The following ZKSCAN1 variants were observed in gnomAD, a reference collection of about 807,000 sequenced individuals.
The protein encoded by ZKSCAN1 is zinc finger protein with KRAB and SCAN domains 1.
In ZKSCAN1, 14 loss-of-function variants were observed where a neutral mutation model predicts 51.6. The observed-to-expected ratio is 0.27, with a 90% CI of 0.18 to 0.42. ZKSCAN1 has a LOEUF of 0.42. ZKSCAN1 is among the 10% of genes least tolerant of loss of function. The probability of loss-of-function intolerance (pLI) is 1.00; values close to 1 mark genes in which losing one functional copy is unlikely to be tolerated. For synonymous variants in ZKSCAN1, 263 were observed against 261.5 expected (o/e 1.01, Z -0.06); for missense variants, 531 against 710.0 (o/e 0.75, Z 2.86).
Position 100,041,630 on chromosome 7 carries a change from C to T in ZKSCAN1, c.*7433C>T. On this transcript the variant is annotated 3_prime_UTR_variant, in exon 6 of 6. Coordinates refer to ENST00000324306, the MANE Select transcript of ZKSCAN1 (RefSeq NM_003439.4). Reference sequence around the variant, plus strand: ...AAATTGTGGGGATTTGAAATATTCTCTTTATGTTGTTTCTCTTCTGAGTCA... The same window carrying T: ...AAATTGTGGGGATTTGAAATATTCTTTTTATGTTGTTTCTCTTCTGAGTCA... 16 of 985,282 alleles carry T rather than the reference C, an allele frequency of 1.6e-5. No individual in the cohort carries two copies. Among genetic ancestry groups the T allele is most frequent in the Non-Finnish European group, 1.9e-5 (16 of 829,872 alleles). The allele number at this position is 985,282 out of a possible 1,614,324, so 61.0% of individuals were successfully genotyped here.
downstream of ZKSCAN1, among the ~76,000 whole-genome samples, chr7:100,043,772 T>G: frequency 8.4e-5 from 1 of 11,910 alleles, no homozygotes; most frequent in African/African-American, 2.5e-4. Context: ...TCTTTCTTGA[T>G]TTTTTTTTTT....
Position 100,030,318 on chromosome 7 carries a change from C to T in ZKSCAN1, c.742C>T (p.Arg248Trp), listed in dbSNP as rs367856123. 1.1e-5 allele frequency: 17 copies of T among 1,613,934 alleles called. No individual in the cohort carries two copies. The African/African-American group carries it at 1.2e-4, about 11-fold the overall frequency. Residue 248 changes from arginine (R) to tryptophan (W), a missense_variant, in exon 5 of 6, where the codon CGG (arginine) becomes TGG (tryptophan). Transcript: ENST00000324306. ...GGAATGGGGATGTCAGAATCTGGCTCGGAGGAATCTCAGTAGGGACAACAG... is the reference window on the plus strand; with the variant it reads ...GGAATGGGGATGTCAGAATCTGGCTTGGAGGAATCTCAGTAGGGACAACAG... Reference protein sequence around the residue: ...LEEWGCQNLARRNLSRDNRQE... With the variant: ...LEEWGCQNLAWRNLSRDNRQE...
intron 3 of ZKSCAN1, among the ~76,000 whole-genome samples, chr7:100,029,222 C>T (rs1430957519): frequency 1.3e-5 from 2 of 150,964 alleles, no homozygotes; most frequent in Admixed American, 1.3e-4. Flanking sequence ...TCCTTACTTC[C>T]CTGCCTTTCT....
At chr7:100,023,307 G>C in intron 1 of ZKSCAN1, 112 bp from the exon 2 acceptor site, 1 of 555,240 alleles carries the variant, frequency 1.8e-6, no homozygotes, top group East Asian at 3.2e-5. Flanking sequence ...CACCACCCCC[G>C]GCCTCAGGAG....
In ZKSCAN1 at chr7:100,023,513, A is replaced by G. The variant is rs982321377; in HGVS notation, c.7A>G (p.Thr3Ala). 6.2e-7 allele frequency: 1 copy of G among 1,609,184 alleles called. No homozygotes were observed. The highest frequency in any genetic ancestry group is 8.5e-7 in the Non-Finnish European group (1 of 1,178,084). MM[T>A]AESREATGLS... The stretch of plus-strand genomic sequence containing the variant: ...GTCAGTTCCTGGAGCCTGAATGATG[A>G]CTGCTGAATCACGGGAAGCCACGGG... The change falls in exon 2 of 6, where the codon ACT (threonine) becomes GCT (alanine). Residue 3 changes from threonine to alanine, a missense_variant. Transcript: ENST00000324306.
intron 5 of ZKSCAN1, among the ~76,000 whole-genome samples, chr7:100,031,915 A>C (rs182252911): frequency 1.3e-5 from 2 of 152,208 alleles, no homozygotes; most frequent in African/African-American, 4.8e-5. Context: ...CTGTCTCTAC[A>C]AAAAAATTTA....
At chr7:100,017,995 C>T (rs1163764421) in intron 1 of ZKSCAN1, among the ~76,000 whole-genome samples, 2 of 152,188 alleles carry the variant, frequency 1.3e-5, no homozygotes, top group East Asian at 3.8e-4. Flanking sequence ...TACTAAATGC[C>T]AGGCACTATT....
At chr7:100,027,722 TG>T (rs1304099931) in intron 3 of ZKSCAN1, among the ~76,000 whole-genome samples, 1 of 137,408 alleles carries the variant, frequency 7.3e-6, no homozygotes, top group African/African-American at 2.8e-5. Context: ...CACTCCAGCC[TG>T]GGCAACAGAG....
rs923360783 is a variant in ZKSCAN1 at position 100,041,296 on chromosome 7, G to C, written c.*7099G>C. ...ATTTTACTAGGTTCCGAAGAGTCCA[G>C]ATGCTTGGTAGATGTTCAATACGTG... On this transcript the variant is annotated 3_prime_UTR_variant, in exon 6 of 6. Coordinates refer to ENST00000324306, the MANE Select transcript of ZKSCAN1 (RefSeq NM_003439.4). 13 of 984,882 alleles carry C rather than the reference G, an allele frequency of 1.3e-5. No homozygotes were observed. In the East Asian group the frequency reaches 9.1e-4, roughly 69 times the overall value. The allele number at this position is 984,882 out of a possible 1,614,324, so 61.0% of individuals were successfully genotyped here.
At chr7:100,029,182 AAAAAAAAC>A (rs1227946304) in intron 3 of ZKSCAN1, among the ~76,000 whole-genome samples, 1 of 128,768 alleles carries the variant, frequency 7.8e-6, no homozygotes, top group Non-Finnish European at 1.7e-5. Context: ...AAAAAAAAAA[AAAAAAAAC>A]TTACCCAGAG....
rs1399491674 is a variant in ZKSCAN1, at chr7:100,036,786, A to T, written c.*2589A>T. On this transcript the variant is annotated 3_prime_UTR_variant, in exon 6 of 6. Coordinates refer to ENST00000324306, the MANE Select transcript of ZKSCAN1 (RefSeq NM_003439.4). ...ACTCCAGGCAACGACCCAAGCACTTATTTTTTAAGAGGGAAAGGACTTTGG... is the reference window on the plus strand; with the variant it reads ...ACTCCAGGCAACGACCCAAGCACTTTTTTTTTAAGAGGGAAAGGACTTTGG... 1 of 982,636 alleles carries T rather than the reference A, an allele frequency of 1.0e-6. No homozygotes were observed. The highest frequency in any genetic ancestry group is 1.8e-5 in the African/African-American group (1 of 56,730). 60.9% of individuals were successfully genotyped at this position (982,636 alleles called of 1,614,324 possible).
chr7:100,033,277 G>T lies in ZKSCAN1; in HGVS notation c.800-28G>T, dbSNP rs777637884. The stretch of plus-strand genomic sequence containing the variant: ...CTGTATATTCAAAAGAAAAAGGTGC[G>T]ATTTGAATTTTCTATTTATTATGTC... On this transcript the variant is annotated intron_variant, in intron 5 of 5. Coordinates refer to ENST00000324306, the MANE Select transcript of ZKSCAN1 (RefSeq NM_003439.4). The surrounding 1 kb of genome is among the most constrained non-coding windows in gnomAD (Gnocchi z 4.1). The T allele has an allele frequency of 5.7e-6, 9 of 1,568,926 alleles. No individual in the cohort carries two copies. The South Asian group carries it at 6.0e-5, about 10-fold the overall frequency.
downstream of ZKSCAN1, chr7:100,041,797 C>G (rs534450832): frequency 1.1e-6 from 1 of 947,628 alleles, no homozygotes; most frequent in South Asian, 4.9e-5. Context: ...AAGACTGGAG[C>G]TGCAACCCAC....
At position 100,030,383 on chromosome 7, in the gene ZKSCAN1, G is replaced by A. The variant is rs765890194; in HGVS notation, c.799+8G>A. The A allele has an allele frequency of 3.7e-6, 6 of 1,611,986 alleles. No individual in the cohort carries two copies. Among genetic ancestry groups the A allele is most frequent in the East Asian group, 2.2e-5 (1 of 44,830 alleles). ...GGAGCGCATTTCCCCAGGGTAAGAC[G>A]GATGCAGGCTTACTGTCTGATAAGA... On this transcript the variant is annotated splice_region_variant and intron_variant, in intron 5 of 5. Transcript: ENST00000324306.
chr7:100,039,375 T>C lies in ZKSCAN1; in HGVS notation c.*5178T>C. 1 of 985,336 alleles carries C rather than the reference T, an allele frequency of 1.0e-6. No individual in the cohort carries two copies. Among genetic ancestry groups the C allele is most frequent in the African/African-American group, 1.7e-5 (1 of 57,292 alleles). 61.0% of individuals were successfully genotyped at this position (985,336 alleles called of 1,614,324 possible). ...GATAGGAGAACAGCAAGGTGGGCAT[T>C]TCCCGGAATTGTGTGCAGATGCATC... On this transcript the variant is annotated 3_prime_UTR_variant, in exon 6 of 6. Transcript: ENST00000324306.
downstream of ZKSCAN1, among the ~76,000 whole-genome samples, chr7:100,042,572 C>T (rs1791626550): frequency 6.6e-6 from 1 of 152,064 alleles, no homozygotes; most frequent in Admixed American, 6.6e-5. Flanking sequence ...AGACGCCAGT[C>T]TTACATTCCG....
Position 100,033,221 on chromosome 7 carries a change from A to G in ZKSCAN1, c.800-84A>G, listed in dbSNP as rs1469390157. 6.8e-7 allele frequency: 1 copy of G among 1,477,856 alleles called. No homozygotes were observed. The highest frequency in any genetic ancestry group is 1.4e-5 in the African/African-American group (1 of 70,122). The allele number at this position is 1,477,856 out of a possible 1,614,324, so 91.5% of individuals were successfully genotyped here. On this transcript the variant is annotated intron_variant, in intron 5 of 5. Transcript: ENST00000324306. This position sits in a 1 kb window ranked among gnomAD's most constrained non-coding sequence, Gnocchi z 4.1. ...GCAAAGTCATTTTGCAGCCGTGTAG[A>G]AGCTTCTCGGGAAACTGTCGCTTGA...
chr7:100,034,265 T>G lies in ZKSCAN1; in HGVS notation c.*68T>G. 2 of 1,497,486 alleles carry G rather than the reference T, an allele frequency of 1.3e-6. No individual in the cohort carries two copies. The highest frequency in any genetic ancestry group is 1.8e-6 in the Non-Finnish European group (2 of 1,132,858). The allele number at this position is 1,497,486 out of a possible 1,614,324, so 92.8% of individuals were successfully genotyped here. A position where few individuals can be genotyped will look rare whatever the true frequency, so the allele number is the denominator to read the frequency against. On this transcript the variant is annotated 3_prime_UTR_variant, in exon 6 of 6. Transcript: ENST00000324306. ...AAATTATTTCAGAGATGTGTGCTCCTGGAGGGAAAAAGAAATACAGCCTCA... is the reference window on the plus strand; with the variant it reads ...AAATTATTTCAGAGATGTGTGCTCCGGGAGGGAAAAAGAAATACAGCCTCA...
At chr7:100,019,633 A>G (rs80144983) in intron 1 of ZKSCAN1, among the ~76,000 whole-genome samples, 4,163 of 152,198 alleles carry the variant, frequency 0.027, 191 homozygotes, top group African/African-American at 0.095. Context: ...TTTTATTTCA[A>G]ATTCTGCCTC....
Sources: gnomAD v4.1 joint callset for allele counts (sites outside exome capture counted in the v4.1 genomes callset) on GRCh38, gnomAD v4.1.1 for gene constraint, Gnocchi (gnomAD v3.1) non-coding constraint, MANE v1.5 for transcripts, NCBI Gene and HGNC (gene_info 2026-07-23, HGNC 2026-07-21) for gene names.